The following PPFIA2 variants were observed in gnomAD, a reference collection of about 807,000 sequenced individuals.
PPFIA2 encodes liprin-alpha-2.
Under a neutral mutation model 175.5 loss-of-function variants are expected in PPFIA2, and 46 were observed. The observed-to-expected ratio is 0.26, with a 90% confidence interval of 0.21 to 0.34. The LOEUF (loss-of-function observed/expected upper bound fraction) is 0.34, where lower values mean the gene tolerates loss of function less well. Among genes scored for constraint, PPFIA2 ranks in the 10% least tolerant of loss-of-function variants. The probability of loss-of-function intolerance (pLI) is 1.00; values close to 1 mark genes in which losing one functional copy is unlikely to be tolerated. For synonymous variants in PPFIA2, 568 were observed against 511.4 expected (o/e 1.11, Z -1.49); for missense variants, 1,179 against 1,506.1 (o/e 0.78, Z 3.60).
chr12:81,618,526 C>CTTT (rs71098155), intron 4 of PPFIA2, among the ~76,000 whole-genome samples: 6 of 114,696 alleles, frequency 5.2e-5, no homozygotes, highest in East Asian at 2.5e-4. Context: ...ACCCATGGCA[C>CTTT]TTTTTTTTTT....
At chr12:81,681,517 A>G (rs1289476888) in intron 3 of PPFIA2, among the ~76,000 whole-genome samples, 1 of 151,992 alleles carries the variant, frequency 6.6e-6, no homozygotes, top group East Asian at 1.9e-4. Flanking sequence ...CTCAGACTTG[A>G]GGAGTCTACA....
At chr12:81,288,339 G>C (rs2044018355) in intron 24 of PPFIA2, among the ~76,000 whole-genome samples, 2 of 151,796 alleles carry the variant, frequency 1.3e-5, no homozygotes, top group Non-Finnish European at 1.5e-5. Context: ...ATCTGACAAT[G>C]AGAGCCTCTT....
At chr12:81,285,167 A>T (rs1308871342) in intron 24 of PPFIA2, among the ~76,000 whole-genome samples, 1 of 152,184 alleles carries the variant, frequency 6.6e-6, no homozygotes, top group African/African-American at 2.4e-5. Flanking sequence ...AAGTCCACTT[A>T]GTAACATACA....
At chr12:81,705,456 CAAA>C (rs58602688) in intron 3 of PPFIA2, among the ~76,000 whole-genome samples, 3 of 55,710 alleles carry the variant, frequency 5.4e-5, no homozygotes, top group Non-Finnish European at 4.3e-5. Flanking sequence ...GACTAGGTCT[CAAA>C]AAAAAAAAAA....
At chr12:81,422,040 GTA>G (rs200135547) in intron 7 of PPFIA2, among the ~76,000 whole-genome samples, 2 of 145,642 alleles carry the variant, frequency 1.4e-5, no homozygotes, top group South Asian at 4.3e-4. Flanking sequence ...ATATAAACAG[GTA>G]TATATATATA....
chr12:81,687,354 G>A (rs1022223831), intron 3 of PPFIA2: 5 of 151,972 alleles, frequency 3.3e-5, no homozygotes, highest in African/African-American at 9.7e-5. Context: ...ATTGTGACAA[G>A]TGTTTTCTTT....
At chr12:81,423,452 A>G (rs2046640051) in intron 7 of PPFIA2, among the ~76,000 whole-genome samples, 1 of 152,184 alleles carries the variant, frequency 6.6e-6, no homozygotes, top group South Asian at 2.1e-4. Context: ...TAACATACAC[A>G]AATCAATCAA....
chr12:81,636,525 A>G (rs2153506883), intron 4 of PPFIA2, among the ~76,000 whole-genome samples: 1 of 151,178 alleles, frequency 6.6e-6, no homozygotes, highest in East Asian at 2.0e-4. Context: ...TCGGCCTCCC[A>G]AAGTGCTGGG....
intron 3 of PPFIA2, among the ~76,000 whole-genome samples, chr12:81,693,996 G>A (rs1387348931): frequency 6.6e-6 from 1 of 151,914 alleles, no homozygotes; most frequent in Non-Finnish European, 1.5e-5. Context: ...TTCAAGATGT[G>A]GTCTGGCTAC....
chr12:81,706,618 G>A (rs1019920336), intron 3 of PPFIA2, among the ~76,000 whole-genome samples: 4 of 152,110 alleles, frequency 2.6e-5, no homozygotes, highest in Non-Finnish European at 4.4e-5. Context: ...ATACCCGGCC[G>A]TGTGAGGTGT....
At chr12:81,463,125 T>G (rs2054954094) in intron 4 of PPFIA2, among the ~76,000 whole-genome samples, 1 of 152,058 alleles carries the variant, frequency 6.6e-6, no homozygotes, top group Non-Finnish European at 1.5e-5. Flanking sequence ...ATATAGTAAA[T>G]GTGCATGATG....
chr12:81,269,881 T>A (rs1178691631), intron 28 of PPFIA2, among the ~76,000 whole-genome samples: 2 of 152,086 alleles, frequency 1.3e-5, no homozygotes, highest in Non-Finnish European at 2.9e-5. Flanking sequence ...GTGAGTAGAT[T>A]CCACTTTGGG....
At chr12:81,655,440 T>C (rs1351298566) in intron 4 of PPFIA2, among the ~76,000 whole-genome samples, 2 of 151,726 alleles carry the variant, frequency 1.3e-5, no homozygotes, top group African/African-American at 4.8e-5. Flanking sequence ...AAATATATTA[T>C]AAATTTCTCT....
intron 7 of PPFIA2, among the ~76,000 whole-genome samples, chr12:81,410,324 C>G (rs190288997): frequency 1.3e-5 from 2 of 152,140 alleles, no homozygotes; most frequent in African/African-American, 4.8e-5. Flanking sequence ...GCTCAAATGG[C>G]TCCCCTTTTA....
chr12:81,581,752 A>T (rs1225824542), intron 4 of PPFIA2, among the ~76,000 whole-genome samples: 2 of 82,150 alleles, frequency 2.4e-5, no homozygotes, highest in Non-Finnish European at 4.7e-5. Flanking sequence ...ACAAACAAAC[A>T]AAAACAACCC....
chr12:81,469,035 T>A (rs976083646), intron 4 of PPFIA2, among the ~76,000 whole-genome samples: 1 of 152,112 alleles, frequency 6.6e-6, no homozygotes, highest in African/African-American at 2.4e-5. Flanking sequence ...AATAGAGGCG[T>A]ATGAGAGTTC....
chr12:81,369,083 G>T, intron 12 of PPFIA2, 28 bp downstream of exon 12: 1 of 1,515,542 alleles, frequency 6.6e-7, no homozygotes, highest in Non-Finnish European at 9.1e-7. Flanking sequence ...ACCAATGATT[G>T]GGGGGTAATA....
chr12:81,329,811 C>G (rs577495077), intron 21 of PPFIA2, among the ~76,000 whole-genome samples: 2 of 152,184 alleles, frequency 1.3e-5, no homozygotes, highest in Non-Finnish European at 2.9e-5. Context: ...CCCTTCTGGT[C>G]CCAGTGTCTG....
chr12:81,513,751 G>T (rs562820670), intron 4 of PPFIA2, among the ~76,000 whole-genome samples: 65 of 152,084 alleles, frequency 4.3e-4, no homozygotes, highest in Non-Finnish European at 8.4e-4. Flanking sequence ...ATATAATAAA[G>T]ATAGAACAAT....
Sources: gnomAD v4.1 joint callset for allele counts (sites outside exome capture counted in the v4.1 genomes callset) on GRCh38, gnomAD v4.1.1 for gene constraint, MANE v1.5 for transcripts, NCBI Gene and HGNC (gene_info 2026-07-23, HGNC 2026-07-21) for gene names.